SPAG16: variants seen among roughly 807,000 people sequenced by gnomAD.
SPAG16 encodes sperm-associated antigen 16 protein.
A neutral mutation model predicts 80.4 loss-of-function variants in SPAG16; 86 were observed. The observed-to-expected ratio is 1.07, with a 90% CI of 0.90 to 1.28. The LOEUF (loss-of-function observed/expected upper bound fraction) is 1.28, where lower values mean the gene tolerates loss of function less well. Among genes scored for constraint, SPAG16 ranks in the 50% most tolerant of loss-of-function variants. The pLI is 0.00. For synonymous variants in SPAG16, 294 were observed against 265.9 expected, an observed-to-expected ratio of 1.11 and a Z score of -1.03; for missense variants, 870 against 765.3, an observed-to-expected ratio of 1.14 and a Z score of -1.61.
intron 15 of SPAG16, among the ~76,000 whole-genome samples, chr2:214,309,914 C>T (rs1436405427): frequency 6.6e-6 from 1 of 152,160 alleles, no homozygotes; most frequent in Non-Finnish European, 1.5e-5. Context: ...GGAGACTGTG[C>T]TGTTGCACTA....
chr2:214,172,316 A>G (rs1020830070), intron 15 of SPAG16, among the ~76,000 whole-genome samples: 16 of 151,872 alleles, frequency 1.1e-4, no homozygotes, highest in African/African-American at 3.9e-4. Context: ...TCATTGTTCA[A>G]TTCCCACCTA....
chr2:214,377,527 ATTTTC>A (rs1301874739), intron 15 of SPAG16, among the ~76,000 whole-genome samples: 2 of 152,144 alleles, frequency 1.3e-5, no homozygotes, highest in African/African-American at 4.8e-5. Flanking sequence ...TCTTAATAAC[ATTTTC>A]TTTTCTCTAG....
chr2:214,177,127 A>G (rs1018253053), intron 15 of SPAG16, among the ~76,000 whole-genome samples: 3 of 151,238 alleles, frequency 2.0e-5, no homozygotes, highest in African/African-American at 7.3e-5. Context: ...TGATATTTAT[A>G]TGAAAACTAA....
chr2:213,395,971 G>C (rs1241337052), intron 9 of SPAG16, among the ~76,000 whole-genome samples: 1 of 152,128 alleles, frequency 6.6e-6, no homozygotes, highest in African/African-American at 2.4e-5. Flanking sequence ...TGAAGTATCA[G>C]CTCTAACTGT....
chr2:213,589,999 G>A (rs2060628651), intron 10 of SPAG16, among the ~76,000 whole-genome samples: 1 of 151,542 alleles, frequency 6.6e-6, no homozygotes, highest in African/African-American at 2.4e-5. Flanking sequence ...TCTAACCTCA[G>A]GAATAATAAT....
At chr2:213,340,830 C>T (rs2124960248) in intron 6 of SPAG16, among the ~76,000 whole-genome samples, 1 of 152,172 alleles carries the variant, frequency 6.6e-6, no homozygotes, top group South Asian at 2.1e-4. Flanking sequence ...ACCTTCCTCC[C>T]CTACAAAAAC....
intron 10 of SPAG16, among the ~76,000 whole-genome samples, chr2:213,653,739 A>AT: frequency 6.6e-6 from 1 of 152,156 alleles, no homozygotes; most frequent in African/African-American, 2.4e-5. Context: ...GACTATCATT[A>AT]TTTTTTTCCT....
At chr2:214,281,323 ATTTATT>A in intron 15 of SPAG16, 1 of 208,038 alleles carries the variant, frequency 4.8e-6, no homozygotes, top group Admixed American at 4.5e-5. Context: ...GGTGTTTCCT[ATTTATT>A]TTTATCCTGT....
intron 15 of SPAG16, among the ~76,000 whole-genome samples, chr2:214,402,044 C>T (rs1053770972): frequency 6.6e-6 from 1 of 151,902 alleles, no homozygotes; most frequent in African/African-American, 2.4e-5. Flanking sequence ...TAACTGGTGG[C>T]TCACTGGGGA....
In SPAG16 at chr2:213,782,428, C is replaced by T. The variant is rs775022870; in HGVS notation, c.1071-80057C>T. Among the ~76,000 whole-genome samples, 10 of 152,140 alleles carry T rather than the reference C, an allele frequency of 6.6e-5. No homozygotes were observed. The East Asian group carries it at 7.7e-4, about 12-fold the overall frequency. On this transcript the variant is annotated intron_variant, in intron 10 of 15. Transcript: ENST00000331683. Reference sequence around the variant, plus strand: ...AGAAGAATTATGTAGTTATAATAGTCGTATAGATATGTAGTACCAAATGTA... The same window carrying T: ...AGAAGAATTATGTAGTTATAATAGTTGTATAGATATGTAGTACCAAATGTA...
chr2:214,057,977 G>A (rs2050034867), intron 13 of SPAG16, among the ~76,000 whole-genome samples: 1 of 151,076 alleles, frequency 6.6e-6, no homozygotes, highest in African/African-American at 2.4e-5. Flanking sequence ...TTAAGGCCTT[G>A]CCCTGGATTA....
At chr2:214,357,989 A>G (rs1458662540) in intron 15 of SPAG16, among the ~76,000 whole-genome samples, 1 of 151,930 alleles carries the variant, frequency 6.6e-6, no homozygotes, top group African/African-American at 2.4e-5. Flanking sequence ...TGGATTTTAA[A>G]AAACAAAATC....
intron 12 of SPAG16, among the ~76,000 whole-genome samples, chr2:213,941,583 A>G (rs553002221): frequency 6.6e-6 from 1 of 152,282 alleles, no homozygotes; most frequent in Admixed American, 6.5e-5. Context: ...CTTGGAACAT[A>G]CTGGGAAAGT....
chr2:213,327,675 A>AAT (rs1213269319), intron 5 of SPAG16, among the ~76,000 whole-genome samples: 1 of 151,794 alleles, frequency 6.6e-6, no homozygotes, highest in Non-Finnish European at 1.5e-5. Flanking sequence ...GTATACTCAA[A>AAT]ATAGACGTTC....
At chr2:214,195,521 A>AGAT (rs1420240390) in intron 15 of SPAG16, among the ~76,000 whole-genome samples, 1 of 152,030 alleles carries the variant, frequency 6.6e-6, no homozygotes, top group Non-Finnish European at 1.5e-5. Context: ...GTGGAGGTGG[A>AGAT]GATAAGTGAT....
At chr2:213,821,753 A>C (rs1270855141) in intron 10 of SPAG16, among the ~76,000 whole-genome samples, 1 of 152,164 alleles carries the variant, frequency 6.6e-6, no homozygotes, top group Non-Finnish European at 1.5e-5. Context: ...ATCTGTCTAC[A>C]AGAGTTCAAT....
At chr2:214,239,812 T>G (rs1689337856) in intron 15 of SPAG16, 1 of 152,108 alleles carries the variant, frequency 6.6e-6, no homozygotes, top group Non-Finnish European at 1.5e-5. Context: ...TGGATCTGGT[T>G]GTTATTAAAG....
At chr2:213,548,276 G>C (rs983648924) in intron 10 of SPAG16, among the ~76,000 whole-genome samples, 56 of 152,170 alleles carry the variant, frequency 3.7e-4, no homozygotes, top group African/African-American at 1.2e-3. Flanking sequence ...GCAGTGGCGC[G>C]ATCTTGGCGC....
intron 9 of SPAG16, among the ~76,000 whole-genome samples, chr2:213,385,624 G>C (rs1279171861): frequency 6.6e-6 from 1 of 152,100 alleles, no homozygotes; most frequent in African/African-American, 2.4e-5. Flanking sequence ...TTGTAAGAAT[G>C]GCATGTATTG....
Sources: allele counts gnomAD v4.1 joint callset (sites outside exome capture counted in the v4.1 genomes callset), GRCh38; gene constraint gnomAD v4.1.1; transcripts MANE v1.5; gene names NCBI Gene and HGNC (gene_info 2026-07-23, HGNC 2026-07-21).